Variants in COL25A1 observed in about 807,000 individuals in gnomAD.
COL25A1 encodes the protein collagen type XXV alpha 1 chain.
COL25A1 carries 103 observed loss-of-function variants against 128.4 expected under a neutral mutation model. The ratio of observed to expected loss-of-function variants is 0.80; its 90% confidence interval spans 0.68 to 0.94. The LOEUF (loss-of-function observed/expected upper bound fraction) is 0.94. Ranked by LOEUF, COL25A1 falls within the 40% of genes least tolerant of loss-of-function variation. The pLI, the probability that COL25A1 is intolerant of heterozygous loss-of-function variation, is 0.00. For missense variants in COL25A1, 745 were observed against 840.0 expected (o/e 0.89, Z 1.40); for synonymous variants, 279 against 277.2 (o/e 1.01, Z -0.06).
intron 3 of COL25A1, among the ~76,000 whole-genome samples, chr4:109,065,546 G>GCGCGCGCT (rs1491174602): frequency 7.1e-5 from 3 of 42,244 alleles, no homozygotes; most frequent in African/African-American, 1.8e-4. Flanking sequence ...GCGCGCGCGC[G>GCGCGCGCT]TGTGTGTGTG....
At chr4:108,821,964 A>G (rs1008119764) in intron 35 of COL25A1, among the ~76,000 whole-genome samples, 3 of 151,356 alleles carry the variant, frequency 2.0e-5, no homozygotes, top group Non-Finnish European at 4.4e-5. Flanking sequence ...CTGAGGATCA[A>G]GTTTCTAGCT....
At chr4:108,995,164 C>G (rs1386810629) in intron 6 of COL25A1, among the ~76,000 whole-genome samples, 4 of 152,114 alleles carry the variant, frequency 2.6e-5, no homozygotes. Context: ...TAATAACAAA[C>G]TTCTCCGAGC....
chr4:109,230,141 C>G (rs1254427273), intron 3 of COL25A1, among the ~76,000 whole-genome samples: 1 of 152,174 alleles, frequency 6.6e-6, no homozygotes, highest in East Asian at 1.9e-4. Flanking sequence ...CCACCTCCAG[C>G]ATTAGGGATT....
chr4:108,986,725 T>TA (rs1213586858), intron 6 of COL25A1, among the ~76,000 whole-genome samples: 1 of 152,194 alleles, frequency 6.6e-6, no homozygotes, highest in Non-Finnish European at 1.5e-5. Context: ...AAAACATCTG[T>TA]AAAAAGACAT....
chr4:109,011,357 G>A (rs1404276039), intron 5 of COL25A1, among the ~76,000 whole-genome samples: 1 of 152,136 alleles, frequency 6.6e-6, no homozygotes, highest in Non-Finnish European at 1.5e-5. Flanking sequence ...ATTTCCTTAG[G>A]TACTTGTTCT....
intron 3 of COL25A1, among the ~76,000 whole-genome samples, chr4:109,264,948 C>A (rs572229174): frequency 6.6e-6 from 1 of 152,274 alleles, no homozygotes; most frequent in African/African-American, 2.4e-5. Context: ...GAAACACAGC[C>A]TTGCTAAAAG....
chr4:108,835,861 C>CTTTTTTTTTTTTTTTTTTTTTTTTTTTT (rs1158184110), intron 31 of COL25A1, among the ~76,000 whole-genome samples: 8 of 45,720 alleles, frequency 1.7e-4, no homozygotes, highest in Admixed American at 7.1e-4. Context: ...TTACATACGT[C>CTTTTTTTTTTTTTTTTTTTTTTTTTTTT]TTTTTTTTTT....
intron 6 of COL25A1, among the ~76,000 whole-genome samples, chr4:109,004,027 C>G (rs1013235189): frequency 6.6e-6 from 1 of 152,068 alleles, no homozygotes; most frequent in African/African-American, 2.4e-5. Context: ...GGCCCTTTTT[C>G]CATCTTAACC....
chr4:108,932,656 T>C (rs1746888375), intron 11 of COL25A1, among the ~76,000 whole-genome samples: 1 of 152,168 alleles, frequency 6.6e-6, no homozygotes, highest in South Asian at 2.1e-4. Context: ...CAAAAAATAA[T>C]ATACATGAAA....
chr4:108,834,787 A>T (rs925854844), intron 31 of COL25A1, among the ~76,000 whole-genome samples: 2 of 152,180 alleles, frequency 1.3e-5, no homozygotes, highest in African/African-American at 4.8e-5. Context: ...GTAATTTCCT[A>T]AAAAAGCGCT....
chr4:109,038,818 C>A (rs530404801), intron 5 of COL25A1, among the ~76,000 whole-genome samples: 4 of 152,198 alleles, frequency 2.6e-5, no homozygotes, highest in Non-Finnish European at 5.9e-5. Context: ...TCTGCCCCCA[C>A]TGGAGATTCA....
rs1428830300 is a variant in COL25A1 at position 108,867,892 on chromosome 4, A to AT, written c.1083+1195dup. On this transcript the variant is annotated intron_variant, in intron 20 of 37. Transcript: ENST00000399132. ...TGTATTCATAGCAGCATATATATATATTTTTTTGCATGGCAGTATATATAG... is the reference window on the plus strand; with the variant it reads ...TGTATTCATAGCAGCATATATATATATTTTTTTTGCATGGCAGTATATATAG... 4.0e-5 allele frequency among the ~76,000 whole-genome samples: 6 copies of AT among 151,854 alleles called. No homozygotes were observed. The East Asian group carries it at 5.8e-4, about 15-fold the overall frequency.
At chr4:108,890,141 C>T (rs1741307705) in intron 16 of COL25A1, among the ~76,000 whole-genome samples, 1 of 152,118 alleles carries the variant, frequency 6.6e-6, no homozygotes, top group African/African-American at 2.4e-5. Context: ...TCATTAATGC[C>T]ATCAGCTATC....
chr4:109,245,093 A>G (rs943086312), intron 3 of COL25A1, among the ~76,000 whole-genome samples: 1 of 152,204 alleles, frequency 6.6e-6, no homozygotes, highest in Admixed American at 6.5e-5. Flanking sequence ...GGAAGGGTTT[A>G]AGTGACCATA....
intron 35 of COL25A1, among the ~76,000 whole-genome samples, chr4:108,820,447 A>C (rs77036437): frequency 2.6e-5 from 4 of 152,214 alleles, no homozygotes; most frequent in Non-Finnish European, 5.9e-5. Flanking sequence ...AAAATATTCA[A>C]TATCTTAAAA....
intron 6 of COL25A1, among the ~76,000 whole-genome samples, chr4:108,977,516 T>C (rs1265644054): frequency 1.3e-5 from 2 of 152,176 alleles, no homozygotes; most frequent in African/African-American, 4.8e-5. Context: ...AGGATTTTAT[T>C]TGTGGTGGGG....
chr4:109,132,612 G>A (rs1769329183), intron 3 of COL25A1, among the ~76,000 whole-genome samples: 1 of 152,080 alleles, frequency 6.6e-6, no homozygotes, highest in African/African-American at 2.4e-5. Flanking sequence ...GAGAAATTTT[G>A]ATTAGCTATT....
chr4:108,913,753 A>C (rs1007007829), intron 13 of COL25A1, among the ~76,000 whole-genome samples: 1 of 152,258 alleles, frequency 6.6e-6, no homozygotes, highest in African/African-American at 2.4e-5. Flanking sequence ...ATAAACAAAA[A>C]TTGTAGACAG....
chr4:109,093,916 GT>G (rs1765175069), intron 3 of COL25A1, among the ~76,000 whole-genome samples: 1 of 150,860 alleles, frequency 6.6e-6, no homozygotes, highest in Non-Finnish European at 1.5e-5. Context: ...AAAAAAAAAA[GT>G]TTTTAACCAT....
Sources: gnomAD v4.1 joint callset for allele counts (sites outside exome capture counted in the v4.1 genomes callset) on GRCh38, gnomAD v4.1.1 for gene constraint, MANE v1.5 for transcripts, NCBI Gene and HGNC (gene_info 2026-07-23, HGNC 2026-07-21) for gene names.